The following DNAH3 variants were observed in gnomAD, a reference collection of about 807,000 sequenced individuals.
DNAH3 encodes the protein axonemal beta dynein heavy chain 3.
A neutral mutation model predicts 432.5 loss-of-function variants in DNAH3; 332 were observed. The observed-to-expected ratio is 0.77, with a 90% CI of 0.70 to 0.84. The LOEUF (loss-of-function observed/expected upper bound fraction) is 0.84, where lower values mean the gene tolerates loss of function less well. Among genes scored for constraint, DNAH3 ranks in the 40% least tolerant of loss-of-function variants. DNAH3 has a pLI of 0.00. For synonymous variants in DNAH3, 1,956 were observed against 1,900.2 expected (o/e 1.03, Z -0.76); for missense variants, 4,861 against 5,114.0 (o/e 0.95, Z 1.51).
chr16:20,945,602 T>C (rs1016382436), intron 57 of DNAH3, among the ~76,000 whole-genome samples: 1 of 152,088 alleles, frequency 6.6e-6, no homozygotes, highest in Non-Finnish European at 1.5e-5. Flanking sequence ...GCAATTCTAC[T>C]GCCTCAGCCT....
chr16:21,155,717 T>C (rs2092893618), intron 1 of DNAH3, among the ~76,000 whole-genome samples: 1 of 152,118 alleles, frequency 6.6e-6, no homozygotes, highest in Admixed American at 6.5e-5. Flanking sequence ...ACCCATTATT[T>C]ACCTGAAATT....
chr16:21,150,685 T>A (rs538402629), intron 1 of DNAH3, 66 bp downstream of exon 1: 12 of 186,146 alleles, frequency 6.4e-5, no homozygotes, highest in Non-Finnish European at 2.3e-5. Context: ...AGAAACACAC[T>A]GAGTTCACTG....
Position 21,003,213 on chromosome 16 carries a change from C to A in DNAH3, c.6023-6G>T, listed in dbSNP as rs2087116294. ...ATAAAAATCATAGATGCTTCCTGGACCCAAAGAAACAAAACAGATCATTAG... is the reference window on the plus strand; with the variant it reads ...ATAAAAATCATAGATGCTTCCTGGAACCAAAGAAACAAAACAGATCATTAG... On this transcript the variant is annotated splice_region_variant and splice_polypyrimidine_tract_variant and intron_variant, in intron 41 of 61. Coordinates refer to ENST00000261383, the Ensembl canonical transcript of DNAH3. 1 of 1,588,236 alleles carries A rather than the reference C, an allele frequency of 6.3e-7. No homozygotes were observed. Among genetic ancestry groups the A allele is most frequent in the Non-Finnish European group, 8.6e-7 (1 of 1,165,906 alleles).
At chr16:20,997,320 G>A in exon 44 of DNAH3, 2 of 1,614,150 alleles carry the variant, frequency 1.2e-6, no homozygotes, top group Non-Finnish European at 1.7e-6. Flanking sequence ...GGGGCCCCAT[G>A]GCTGTCACGA....
intron 48 of DNAH3, among the ~76,000 whole-genome samples, chr16:20,984,301 G>A (rs900238838): frequency 6.6e-6 from 1 of 152,074 alleles, no homozygotes; most frequent in Non-Finnish European, 1.5e-5. Flanking sequence ...AGACAAGAAT[G>A]GAGCTAGAAT....
chr16:21,061,644 T>C (rs2090365642), intron 25 of DNAH3, among the ~76,000 whole-genome samples: 2 of 152,246 alleles, frequency 1.3e-5, no homozygotes, highest in Admixed American at 6.5e-5. Context: ...CAGCTCTGAT[T>C]CATGCATTAT....
chr16:21,098,679 C>T (rs1384592894), exon 17 of DNAH3: 2 of 1,613,908 alleles, frequency 1.2e-6, no homozygotes, highest in South Asian at 1.1e-5. Flanking sequence ...CAACATTGTG[C>T]TTCATTTCTT....
At chr16:20,933,990 G>A (rs2083499965) in intron 61 of DNAH3, among the ~76,000 whole-genome samples, 1 of 152,148 alleles carries the variant, frequency 6.6e-6, no homozygotes. Flanking sequence ...CAAAATTCCT[G>A]AAAATGTAAC....
intron 49 of DNAH3, among the ~76,000 whole-genome samples, chr16:20,980,225 T>TA (rs2085805820): frequency 1.1e-5 from 1 of 94,924 alleles, no homozygotes; most frequent in African/African-American, 5.0e-5. Context: ...ATTTATATTA[T>TA]TTATTTATAT....
chr16:20,976,610 GTCC>G (rs1331693905), intron 50 of DNAH3, among the ~76,000 whole-genome samples: 1 of 152,210 alleles, frequency 6.6e-6, no homozygotes, highest in African/African-American at 2.4e-5. Context: ...AAATGTTTGT[GTCC>G]TCCTCAGATT....
intron 41 of DNAH3, among the ~76,000 whole-genome samples, chr16:21,015,224 A>C (rs1478445657): frequency 1.3e-5 from 2 of 152,224 alleles, no homozygotes; most frequent in Admixed American, 6.5e-5. Flanking sequence ...TTAAGTGATA[A>C]AGAAGCAATC....
chr16:20,976,050 A>G (rs1567563271), intron 50 of DNAH3, among the ~76,000 whole-genome samples: 1 of 150,170 alleles, frequency 6.7e-6, no homozygotes, highest in East Asian at 2.0e-4. Flanking sequence ...CGGCCAAGAA[A>G]TTTTTTTTTA....
Position 21,046,799 on chromosome 16 carries a change from C to T in DNAH3, c.4461+2770G>A, listed in dbSNP as rs1450845824. Among the ~76,000 whole-genome samples, 8 of 152,082 alleles carry T rather than the reference C, an allele frequency of 5.3e-5. No individual in the cohort carries two copies. The East Asian group carries it at 5.8e-4, about 11-fold the overall frequency. ...TGGTCTTTACATTTTGGCATGATTT[C>T]GCAGCGGCTGGTACCGGTTGTTCCT... On this transcript the variant is annotated intron_variant, in intron 31 of 61. Transcript: ENST00000261383.
chr16:21,042,081 G>A lies in DNAH3; in HGVS notation c.4584C>T (p.Phe1528=), dbSNP rs866969812. 2.9e-5 allele frequency: 47 copies of A among 1,613,864 alleles called. No homozygotes were observed. The Middle Eastern group carries it at 3.8e-3, about 130-fold the overall frequency. The stretch of plus-strand genomic sequence containing the variant: ...CAGCATACCCGGGGTTCATGGTGAT[G>A]AACACAGCGCAGGTTGGGTTCAGAG... The change falls in exon 32 of 62, where the codon TTC becomes TTT. Residue 1528 remains phenylalanine, a synonymous_variant. Transcript: ENST00000261383.
At chr16:20,964,688 T>C (rs1459654544) in exon 53 of DNAH3, 10 of 1,614,084 alleles carry the variant, frequency 6.2e-6, no homozygotes, top group African/African-American at 5.3e-5. Flanking sequence ...CCATTGTCGA[T>C]GGAGAAGGAG....
At position 21,003,106 on chromosome 16, in the gene DNAH3, T is replaced by C. The variant is rs781391266; in HGVS notation, c.6124A>G (p.Lys2042Glu). The change falls in exon 42 of 62, where the codon AAG becomes GAG. Residue 2042 changes from lysine to glutamate, a missense_variant and splice_region_variant. Lys to Glu is a moderately conservative substitution (Grantham distance 56). Coordinates refer to ENST00000261383, the Ensembl canonical transcript of DNAH3. ...ATGGCCAATGATTCTCTTTATACCT[T>C]TGCACCAGCTGGAACTTTTTCCTCC... 3.4e-5 allele frequency: 54 copies of C among 1,600,216 alleles called. No individual in the cohort carries two copies. Among genetic ancestry groups the C allele is most frequent in the South Asian group, 3.1e-4 (28 of 90,464 alleles).
At chr16:21,069,344 G>A in intron 23 of DNAH3, 71 bp downstream of exon 23, 1 of 1,323,220 alleles carries the variant, frequency 7.6e-7, no homozygotes, top group Non-Finnish European at 1.1e-6. Context: ...TTCAAGGAAG[G>A]TGACTAGAAT....
At chr16:21,071,229 A>G (rs1293601929) in intron 21 of DNAH3, among the ~76,000 whole-genome samples, 1 of 152,096 alleles carries the variant, frequency 6.6e-6, no homozygotes, top group African/African-American at 2.4e-5. Context: ...TTTAGTAGAG[A>G]CAGGGTTTCA....
At chr16:20,975,911 A>T (rs937213569) in intron 50 of DNAH3, among the ~76,000 whole-genome samples, 3 of 151,940 alleles carry the variant, frequency 2.0e-5, no homozygotes, top group African/African-American at 7.3e-5. Flanking sequence ...CGCCTGGCTA[A>T]TTTTTATATT....
Sources: gnomAD v4.1 joint callset for allele counts (sites outside exome capture counted in the v4.1 genomes callset) on GRCh38, gnomAD v4.1.1 for gene constraint, MANE v1.5 for transcripts, NCBI Gene and HGNC (gene_info 2026-07-23, HGNC 2026-07-21) for gene names.